Variants in SPTB observed in about 807,000 individuals in gnomAD.
SPTB encodes spectrin beta, erythrocytic.
Under a neutral mutation model 256.2 loss-of-function variants are expected in SPTB, and 45 were observed. The ratio of observed to expected loss-of-function variants is 0.18; its 90% CI spans 0.14 to 0.23. The LOEUF is 0.23. SPTB is among the 10% of genes least tolerant of loss of function. The pLI is 1.00. For missense variants in SPTB, 2,715 were observed against 3,040.4 expected, an observed-to-expected ratio of 0.89 and a Z score of 2.52; for synonymous variants, 1,231 against 1,243.1, an observed-to-expected ratio of 0.99 and a Z score of 0.21.
chr14:64,786,937 G>A lies in SPTB; in HGVS notation c.3028C>T (p.Arg1010Cys), dbSNP rs377620114. The change falls in exon 16 of 36, where the codon CGT becomes TGT. Residue 1010 changes from arginine (R) to cysteine (C), a missense_variant. Arg to Cys is a radical substitution (Grantham distance 180). Transcript: ENST00000644917. The surrounding 1 kb of genome is among the most constrained non-coding windows in gnomAD (Gnocchi z 5.6). ...LERDVAAIQA[R>C]VDALERESQQ... ...GACTCACGCTCCAGGGCATCCACAC[G>A]GGCCTGGATGGCGGCCACGTCACGC... 54 of 1,613,452 alleles carry A rather than the reference G, an allele frequency of 3.3e-5. No homozygotes were observed. Among genetic ancestry groups the A allele is most frequent in the African/African-American group, 1.1e-4 (8 of 74,890 alleles).
At chr14:64,765,317 A>G (rs1236693747) in intron 32 of SPTB, among the ~76,000 whole-genome samples, 1 of 151,838 alleles carries the variant, frequency 6.6e-6, no homozygotes, top group Non-Finnish European at 1.5e-5. Flanking sequence ...ATGCAGGGGG[A>G]AGCCGTGCAA....
Position 64,793,802 on chromosome 14 carries a change from C to A in SPTB, c.1861G>T (p.Glu621Ter). ...RISHLEQCFE[E>*]LSNMAAGRKA... is the part of the protein sequence containing the mutation. ...CGCCCAGCTGCCATGTTGCTCAGCT[C>A]CTCAAAGCACTGCTCCAAGTGGCTG... is the stretch of plus-strand genomic sequence containing the variant. Residue 621 changes from glutamate to a stop codon, truncating the protein, a stop_gained, in exon 14 of 36, where the codon GAG becomes TAG. Coordinates refer to ENST00000644917, the MANE Select transcript of SPTB (RefSeq NM_001355436.2). LOFTEE classifies it high-confidence loss of function. This position sits in a 1 kb window ranked among gnomAD's most constrained non-coding sequence, Gnocchi z 7.0. 1.2e-6 allele frequency: 2 copies of A among 1,613,290 alleles called. No individual in the cohort carries two copies. Among genetic ancestry groups the A allele is most frequent in the Non-Finnish European group, 1.7e-6 (2 of 1,180,008 alleles).
At position 64,775,130 on chromosome 14, in the gene SPTB, G is replaced by A. The variant is rs375478086; in HGVS notation, c.4837C>T (p.Pro1613Ser). ...TATCCCCTGCCCGAACAGACCTTGG[G>A]GATCTCATCGGAGATGACGTAGAGC... ...QELYVISDEI[P>S]KDEEGAIVML... The change falls in exon 23 of 36, where the codon CCC becomes TCC. Residue 1613 changes from proline (P) to serine (S), a missense_variant. This residue lies in a region of SPTB where 2,239 missense variants were observed against 2,384.4 expected (regional missense o/e 0.94). Coordinates refer to ENST00000644917, the MANE Select transcript of SPTB (RefSeq NM_001355436.2). This position sits in a 1 kb window ranked among gnomAD's most constrained non-coding sequence, Gnocchi z 5.0. 928 of 1,613,916 alleles carry A rather than the reference G, an allele frequency of 5.7e-4. 9 individuals are homozygous for A. The South Asian group carries it at 9.2e-3, about 16-fold the overall frequency.
chr14:64,857,150 A>G (rs2083886742), intron 1 of SPTB, among the ~76,000 whole-genome samples: 1 of 152,158 alleles, frequency 6.6e-6, no homozygotes, highest in Non-Finnish European at 1.5e-5. Context: ...GTACCAGAGA[A>G]CTATTGCCAT....
At chr14:64,794,649 G>A in intron 12 of SPTB, 32 bp from the exon 13 acceptor site, 1 of 1,613,694 alleles carries the variant, frequency 6.2e-7, no homozygotes, top group Non-Finnish European at 8.5e-7. Context: ...AGGAAATGAG[G>A]AGAAGTGAAG....
intron 1 of SPTB, among the ~76,000 whole-genome samples, chr14:64,862,419 A>G (rs540702855): frequency 1.3e-5 from 2 of 152,204 alleles, no homozygotes; most frequent in African/African-American, 4.8e-5. Context: ...TAATTCTAAA[A>G]TGCTTTCAAA....
intron 28 of SPTB, 145 bp downstream of exon 28, chr14:64,769,445 G>T: frequency 8.6e-7 from 1 of 1,159,568 alleles, no homozygotes. Context: ...CCCCGGGCCT[G>T]TGTGTAGCCC....
rs1384909151 is a variant in SPTB at position 64,845,820 on chromosome 14, ATTTTAAT to A, written c.-51-22682_-51-22676del. On this transcript the variant is annotated intron_variant, in intron 1 of 35. Transcript: ENST00000644917. The surrounding 1 kb of genome is among the most constrained non-coding windows in gnomAD (Gnocchi z 4.8). The stretch of plus-strand genomic sequence containing the variant: ...TTTTCGACTCTTTTAAAATGTTATC[ATTTTAAT>A]TTTTAATGTGTGTGTGTGTTATTTA... 6.6e-6 allele frequency among the ~76,000 whole-genome samples: 1 copy of A among 152,072 alleles called. No homozygotes were observed. The highest frequency in any genetic ancestry group is 1.5e-5 in the Non-Finnish European group (1 of 68,014).
Position 64,787,088 on chromosome 14 carries a change from G to A in SPTB, c.2877C>T (p.Tyr959=). 1 of 1,612,478 alleles carries A rather than the reference G, an allele frequency of 6.2e-7. No homozygotes were observed. Among genetic ancestry groups the A allele is most frequent in the Non-Finnish European group, 8.5e-7 (1 of 1,180,024 alleles). The change falls in exon 16 of 36, where the codon TAC becomes TAT. Residue 959 remains tyrosine, a synonymous_variant. Coordinates refer to ENST00000644917, the MANE Select transcript of SPTB (RefSeq NM_001355436.2). ...AVDSALRVHN[Y]CVDCEETSKW... ...TGCTGGTCTCCTCGCAATCTACGCAGTAGTTGTGCACTCGGAGGGCTGAGT... is the reference window on the plus strand; with the variant it reads ...TGCTGGTCTCCTCGCAATCTACGCAATAGTTGTGCACTCGGAGGGCTGAGT...
Position 64,827,319 on chromosome 14 carries a change from G to A in SPTB, c.-51-4174C>T, listed in dbSNP as rs770831763. Among the ~76,000 whole-genome samples the A allele has an allele frequency of 1.1e-4, 17 of 152,204 alleles. No homozygotes were observed. Among genetic ancestry groups the A allele is most frequent in the Non-Finnish European group, 1.8e-4 (12 of 68,038 alleles). On this transcript the variant is annotated intron_variant, in intron 1 of 35. Transcript: ENST00000644917. This position sits in a 1 kb window ranked among gnomAD's most constrained non-coding sequence, Gnocchi z 4.6. The stretch of plus-strand genomic sequence containing the variant: ...TCTACTTCCGAAGTGGGAAACCGGG[G>A]GAATACAGGGCAACGCAGGGCTGAG...
intron 15 of SPTB, among the ~76,000 whole-genome samples, chr14:64,788,348 G>A (rs1875054): frequency 0.058 from 8,842 of 152,252 alleles, 324 homozygotes; most frequent in Non-Finnish European, 0.09. Context: ...GACAGAGAGC[G>A]CTGTTGTGCA....
Position 64,749,555 on chromosome 14 carries a change from T to C in SPTB, c.6820-82A>G. The C allele has an allele frequency of 6.2e-7, 1 of 1,603,368 alleles. No homozygotes were observed. The highest frequency in any genetic ancestry group is 1.3e-5 in the African/African-American group (1 of 75,000). ...GCCAGGCAACAATGGTGGGGGCTCT[T>C]GGGACTGCCCCTTCTGAGGGGGCCT... On this transcript the variant is annotated intron_variant, in intron 35 of 35. Transcript: ENST00000644917. This position sits in a 1 kb window ranked among gnomAD's most constrained non-coding sequence, Gnocchi z 4.7.
chr14:64,799,714 G>A (rs1315753468), intron 9 of SPTB, 33 bp downstream of exon 9: 1 of 1,613,044 alleles, frequency 6.2e-7, no homozygotes, highest in Non-Finnish European at 8.5e-7. Context: ...CCCAGCCACT[G>A]AGGACCACCC....
rs1378455579 is a variant in SPTB at position 64,845,482 on chromosome 14, A to G, written c.-51-22337T>C. ...GCCAGTCTCCTCATCTCCATCAATT[A>G]GAAAAAGAGAACCAAACTGGAATAT... On this transcript the variant is annotated intron_variant, in intron 1 of 35. Coordinates refer to ENST00000644917, the MANE Select transcript of SPTB (RefSeq NM_001355436.2). The surrounding 1 kb of genome is among the most constrained non-coding windows in gnomAD (Gnocchi z 4.8). Among the ~76,000 whole-genome samples the G allele has an allele frequency of 6.6e-6, 1 of 152,252 alleles. No homozygotes were observed. Among genetic ancestry groups the G allele is most frequent in the African/African-American group, 2.4e-5 (1 of 41,478 alleles).
In SPTB at chr14:64,793,199, G is replaced by A. The variant is rs201338747; in HGVS notation, c.2464C>T (p.Arg822Trp). Residue 822 changes from arginine (R) to tryptophan (W), a missense_variant, in exon 14 of 36, where the codon CGG becomes TGG. Arg to Trp is a moderately radical substitution (Grantham distance 101). This residue lies in a region of SPTB where 2,239 missense variants were observed against 2,384.4 expected (regional missense o/e 0.94). Coordinates refer to ENST00000644917, the MANE Select transcript of SPTB (RefSeq NM_001355436.2). This position sits in a 1 kb window ranked among gnomAD's most constrained non-coding sequence, Gnocchi z 7.0. ...EFRDSPDVTH[R>W]LQALRELYQQ... ...TAGAGCTCCCGCAGGGCCTGCAGCC[G>A]ATGGGTCACATCTGGGGAATCCCGA... is the stretch of plus-strand genomic sequence containing the variant. 4.5e-5 allele frequency: 72 copies of A among 1,612,856 alleles called. No individual in the cohort carries two copies. The highest frequency in any genetic ancestry group is 6.7e-5 in the Admixed American group (4 of 60,034).
chr14:64,795,455 A>T lies in SPTB; in HGVS notation c.1526T>A (p.Leu509Gln). ...ITARKDNILR[L>Q]WSYLQELLQS... is the part of the protein sequence containing the mutation. ...CAGCAGCTCCTGCAGGTAGCTCCAT[A>T]GGCGCAGTATATTGTCCTTGCGGGC... The change falls in exon 12 of 36, where the codon CTA (leucine) becomes CAA (glutamine). Residue 509 changes from leucine to glutamine, a missense_variant. Leu to Gln is a moderately radical substitution (Grantham distance 113). Transcript: ENST00000644917. This position sits in a 1 kb window ranked among gnomAD's most constrained non-coding sequence, Gnocchi z 6.5. The T allele has an allele frequency of 6.2e-7, 1 of 1,614,168 alleles. No homozygotes were observed. The highest frequency in any genetic ancestry group is 2.2e-5 in the East Asian group (1 of 44,876).
chr14:64,819,363 A>C (rs542241800), intron 2 of SPTB, among the ~76,000 whole-genome samples: 1 of 152,346 alleles, frequency 6.6e-6, no homozygotes, highest in Admixed American at 6.5e-5. Flanking sequence ...GATCACATCC[A>C]GTCACCCCAA....
intron 3 of SPTB, 85 bp from the exon 4 acceptor site, chr14:64,803,865 A>G (rs1308447495): frequency 1.4e-5 from 20 of 1,430,628 alleles, no homozygotes; most frequent in Non-Finnish European, 1.9e-5. Context: ...TCCTGTCATA[A>G]GCACCCACCC....
At position 64,802,147 on chromosome 14, in the gene SPTB, G is replaced by A. The variant is rs1234477832; in HGVS notation, c.566+79C>T. 2 of 1,334,014 alleles carry A rather than the reference G, an allele frequency of 1.5e-6. No homozygotes were observed. Among genetic ancestry groups the A allele is most frequent in the East Asian group, 4.6e-5 (2 of 43,086 alleles). The allele number at this position is 1,334,014 out of a possible 1,614,324, so 82.6% of individuals were successfully genotyped here. On this transcript the variant is annotated intron_variant, in intron 5 of 35. Transcript: ENST00000644917. This position sits in a 1 kb window ranked among gnomAD's most constrained non-coding sequence, Gnocchi z 5.1. The stretch of plus-strand genomic sequence containing the variant: ...GTAGTTCTGGGTGATGATGTCTAAT[G>A]TCCCTCTGGAGATGGCAGTGCTTGT...
Sources: allele counts gnomAD v4.1 joint callset (sites outside exome capture counted in the v4.1 genomes callset), GRCh38; gene constraint gnomAD v4.1.1; regional missense constraint gnomAD v4.1.1; non-coding constraint Gnocchi (gnomAD v3.1); transcripts MANE v1.5; gene names NCBI Gene and HGNC (gene_info 2026-07-23, HGNC 2026-07-21).